PPARGC1A: variants seen among roughly 807,000 people sequenced by gnomAD.
The protein encoded by PPARGC1A is PPARG coactivator 1 alpha.
Under a neutral mutation model 88.7 loss-of-function variants are expected in PPARGC1A, and 25 were observed. That is an observed-to-expected ratio of 0.28 (90% CI 0.21 to 0.39). The LOEUF (loss-of-function observed/expected upper bound fraction) is 0.39. Ranked by LOEUF, PPARGC1A falls within the 10% of genes least tolerant of loss-of-function variation. PPARGC1A has a pLI of 1.00. For missense variants in PPARGC1A, 880 were observed against 968.7 expected (o/e 0.91, Z 1.22); for synonymous variants, 363 against 355.6 (o/e 1.02, Z -0.24).
chr4:24,430,670 G>A, the PPARGC1A span, among the ~76,000 whole-genome samples: 5 of 152,048 alleles, frequency 3.3e-5, no homozygotes, highest in African/African-American at 1.2e-4. Context: ...TTTTAACTGG[G>A]AAGTGACAAA....
chr4:24,317,554 C>CAAA, the PPARGC1A span, among the ~76,000 whole-genome samples: 5 of 14,278 alleles, frequency 3.5e-4, no homozygotes, highest in Non-Finnish European at 9.7e-4. Context: ...GTTCAGAGGA[C>CAAA]TAAAAAAAAA....
At chr4:23,863,893 C>T (rs918019604) in intron 2 of PPARGC1A, among the ~76,000 whole-genome samples, 37 of 152,096 alleles carry the variant, frequency 2.4e-4, no homozygotes, top group African/African-American at 3.6e-4. Flanking sequence ...ATTATGGGCG[C>T]GTGCCATCAC....
chr4:24,262,957 A>C, the PPARGC1A span, among the ~76,000 whole-genome samples: 1 of 152,112 alleles, frequency 6.6e-6, no homozygotes, highest in South Asian at 2.1e-4. Context: ...GAGCGCTTCA[A>C]TATCTGCTAC....
At chr4:23,978,760 G>T in the PPARGC1A span, among the ~76,000 whole-genome samples, 826 of 152,314 alleles carry the variant, frequency 5.4e-3, 35 homozygotes, top group East Asian at 0.088. Context: ...CGACTGGGGA[G>T]GGGGAGAGTG....
the PPARGC1A span, among the ~76,000 whole-genome samples, chr4:23,958,886 A>G: frequency 1.3e-5 from 2 of 152,116 alleles, no homozygotes; most frequent in African/African-American, 2.4e-5. Context: ...GTTCTTTAAA[A>G]ATATGTTTAT....
At chr4:24,418,308 AG>A in the PPARGC1A span, among the ~76,000 whole-genome samples, 1 of 152,188 alleles carries the variant, frequency 6.6e-6, no homozygotes, top group African/African-American at 2.4e-5. Context: ...CCACATCTAA[AG>A]CTGTTATTAC....
At chr4:24,144,529 C>T in the PPARGC1A span, among the ~76,000 whole-genome samples, 1 of 152,116 alleles carries the variant, frequency 6.6e-6, no homozygotes, top group East Asian at 1.9e-4. Flanking sequence ...CTGAGATTTA[C>T]AGCCAGGACC....
intron 2 of PPARGC1A, among the ~76,000 whole-genome samples, chr4:23,853,043 A>G (rs189900139): frequency 6.6e-6 from 1 of 152,304 alleles, no homozygotes; most frequent in Non-Finnish European, 1.5e-5. Flanking sequence ...ATTTCCTTTC[A>G]CAGGTTTTCC....
chr4:24,204,971 G>A, the PPARGC1A span, among the ~76,000 whole-genome samples: 11 of 152,112 alleles, frequency 7.2e-5, 1 homozygote, highest in South Asian at 1.0e-3. Context: ...ACAAGCACCC[G>A]CCACCACGCC....
the PPARGC1A span, among the ~76,000 whole-genome samples, chr4:24,103,542 A>C: frequency 1.3e-5 from 2 of 150,728 alleles, no homozygotes; most frequent in Non-Finnish European, 2.9e-5. Context: ...CTTCTGGTCC[A>C]ATGAGTACTC....
the PPARGC1A span, among the ~76,000 whole-genome samples, chr4:24,471,940 G>C: frequency 3.9e-5 from 6 of 152,190 alleles, no homozygotes; most frequent in Non-Finnish European, 7.4e-5. This position sits in a 1 kb window ranked among gnomAD's most constrained non-coding sequence, Gnocchi z 5.4. Context: ...GCACGTCGCG[G>C]GGGGCTTGCG....
At chr4:24,133,351 G>C in the PPARGC1A span, among the ~76,000 whole-genome samples, 1 of 152,160 alleles carries the variant, frequency 6.6e-6, no homozygotes, top group South Asian at 2.1e-4. Context: ...TCAAATGCAA[G>C]TCTAGTCATG....
chr4:24,129,081 T>A, the PPARGC1A span, among the ~76,000 whole-genome samples: 1 of 152,228 alleles, frequency 6.6e-6, no homozygotes, highest in South Asian at 2.1e-4. Flanking sequence ...TTTTAAGGAA[T>A]CGTATTTGTA....
the PPARGC1A span, among the ~76,000 whole-genome samples, chr4:23,972,377 A>T: frequency 6.6e-6 from 1 of 152,234 alleles, no homozygotes; most frequent in East Asian, 1.9e-4. Context: ...AGAACTATAG[A>T]TAGAGATGGC....
intron 10 of PPARGC1A, among the ~76,000 whole-genome samples, chr4:23,807,713 C>T (rs1044879983): frequency 1.3e-5 from 2 of 151,602 alleles, no homozygotes; most frequent in African/African-American, 4.8e-5. Context: ...TCCAAAATTT[C>T]CTTGTGTTGT....
chr4:24,289,921 T>C, the PPARGC1A span, among the ~76,000 whole-genome samples: 3 of 152,292 alleles, frequency 2.0e-5, no homozygotes, highest in Admixed American at 1.3e-4. Flanking sequence ...GACTCACAGT[T>C]CCACATGGCT....
the PPARGC1A span, among the ~76,000 whole-genome samples, chr4:24,434,257 G>A: frequency 0.027 from 4,154 of 152,230 alleles, 186 homozygotes; most frequent in African/African-American, 0.094. Flanking sequence ...CAGGAAAGTC[G>A]GATCTGTTCA....
chr4:24,438,276 G>C, the PPARGC1A span, among the ~76,000 whole-genome samples: 1 of 152,150 alleles, frequency 6.6e-6, no homozygotes, highest in Admixed American at 6.5e-5. Context: ...GCCTGAGTAA[G>C]AAACAGATGT....
In PPARGC1A at chr4:23,795,840, C is replaced by T. The variant is rs754773452; in HGVS notation, c.2379G>A (p.Gln793=). The part of the protein sequence containing the change: ...LDFDSLLKEA[Q]RSLRR ...GAACATGTTACCTGCGCAAGCTTCT[C>T]TGAGCTTCTTTCAGTAAACTATCAA... Residue 793 remains glutamine, a synonymous_variant, in exon 13 of 13, where the codon CAG becomes CAA. Coordinates refer to ENST00000264867, the MANE Select transcript of PPARGC1A (RefSeq NM_013261.5). The T allele has an allele frequency of 3.7e-6, 6 of 1,611,334 alleles. No homozygotes were observed. The South Asian group carries it at 6.6e-5, about 18-fold the overall frequency.
Sources: gnomAD v4.1 joint callset for allele counts (sites outside exome capture counted in the v4.1 genomes callset) on GRCh38, gnomAD v4.1.1 for gene constraint, Gnocchi (gnomAD v3.1) non-coding constraint, MANE v1.5 for transcripts, NCBI Gene and HGNC (gene_info 2026-07-23, HGNC 2026-07-21) for gene names.